Variants in MDN1 observed in about 807,000 individuals in gnomAD.
MDN1 encodes midasin.
MDN1 carries 266 observed loss-of-function variants against 669.2 expected under a neutral mutation model. The ratio of observed to expected loss-of-function variants is 0.40; its 90% confidence interval spans 0.36 to 0.44. The LOEUF is 0.44. Among genes scored for constraint, MDN1 ranks in the 20% least tolerant of loss-of-function variants. The pLI is 1.00. For synonymous variants in MDN1, 2,385 were observed against 2,457.1 expected, an observed-to-expected ratio of 0.97 and a Z score of 0.87; for missense variants, 5,940 against 6,754.0, an observed-to-expected ratio of 0.88 and a Z score of 4.22.
At chr6:89,734,359 C>A (rs1222053215) in intron 33 of MDN1, among the ~76,000 whole-genome samples, 25 of 151,604 alleles carry the variant, frequency 1.6e-4, no homozygotes, top group Admixed American at 1.6e-3. Flanking sequence ...AAATTTTAAA[C>A]CTCTGCTAAA....
rs769126196 is a variant in MDN1, at chr6:89,718,953, T to A, written c.6135A>T (p.Ser2045=). ...TCATGATTGACTCCAGGGGTTGGAA[T>A]GACTGGTGCAGGAGCAACAGGGGAT... ...SRHPLLLLHQ[S]FQPLESIMKC... is the part of the protein sequence containing the mutation. Residue 2045 remains serine (S), a synonymous_variant, in exon 42 of 102, where the codon TCA becomes TCT. Transcript: ENST00000369393. The A allele has an allele frequency of 9.9e-6, 16 of 1,614,002 alleles. No individual in the cohort carries two copies. The South Asian group carries it at 1.4e-4, about 14-fold the overall frequency.
At chr6:89,647,982 C>T (rs757200942) in intron 99 of MDN1, 50 bp downstream of exon 99, 38 of 1,382,338 alleles carry the variant, frequency 2.7e-5, no homozygotes, top group African/African-American at 2.7e-4. Flanking sequence ...CTCCAACCTA[C>T]ACCAGTTTAA....
At chr6:89,656,254 C>T (rs1157362852) in intron 91 of MDN1, among the ~76,000 whole-genome samples, 5 of 151,986 alleles carry the variant, frequency 3.3e-5, no homozygotes, top group Non-Finnish European at 7.4e-5. Context: ...TTGGTAACAC[C>T]AATTTGCTCT....
intron 56 of MDN1, 133 bp downstream of exon 56, chr6:89,700,513 C>G (rs754361629): frequency 1.3e-5 from 11 of 838,682 alleles, no homozygotes; most frequent in Non-Finnish European, 1.7e-5. Context: ...ATGCCTGACA[C>G]TTATATAAAG....
chr6:89,715,536 G>A (rs1024658231), intron 45 of MDN1, 117 bp downstream of exon 45: 3 of 711,896 alleles, frequency 4.2e-6, no homozygotes, highest in Non-Finnish European at 7.6e-6. Context: ...TAATAAATGG[G>A]TGAACTTCTC....
intron 92 of MDN1, 49 bp downstream of exon 92, chr6:89,655,714 TC>T: frequency 6.7e-7 from 1 of 1,502,418 alleles, no homozygotes; most frequent in Non-Finnish European, 9.0e-7. Context: ...TAGCACAAGC[TC>T]TCATAGAGAG....
chr6:89,813,549 CAA>C (rs531368427), intron 1 of MDN1, among the ~76,000 whole-genome samples: 11 of 68,268 alleles, frequency 1.6e-4, no homozygotes, highest in Admixed American at 3.4e-4. Flanking sequence ...GACTCTGTCT[CAA>C]AAAAAAAAAA....
intron 29 of MDN1, 93 bp from the exon 30 acceptor site, chr6:89,743,807 G>A: frequency 7.2e-7 from 1 of 1,383,494 alleles, no homozygotes. Context: ...ACCACTGTGG[G>A]AGTCTCACTG....
At chr6:89,794,884 T>G in intron 2 of MDN1, 83 bp from the exon 3 acceptor site, 1 of 1,075,578 alleles carries the variant, frequency 9.3e-7, no homozygotes, top group Non-Finnish European at 1.4e-6. Flanking sequence ...TTTATCAGAG[T>G]ATTAAATGCA....
rs1290006148 is a variant in MDN1, at chr6:89,700,127, A to G, written c.8806T>C (p.Tyr2936His). 6.2e-7 allele frequency: 1 copy of G among 1,614,170 alleles called. No homozygotes were observed. Among genetic ancestry groups the G allele is most frequent in the Non-Finnish European group, 8.5e-7 (1 of 1,180,012 alleles). ...TTGTACCGCCAAAGCATAGCCAGGT[A>G]CTCCATTGCAGGCCACAACTGAACA... ...RSVQLWPAME[Y>H]LAMLWRYKVT... Residue 2936 changes from tyrosine to histidine, a missense_variant, in exon 57 of 102, where the codon TAC (tyrosine) becomes CAC (histidine). Tyr to His is a moderately conservative substitution (Grantham distance 83). Around this residue, in one of 5 missense-constraint regions of MDN1, gnomAD observed 2,292 missense variants for 2,638.3 expected, o/e 0.87. Transcript: ENST00000369393.
intron 100 of MDN1, 53 bp from the exon 101 acceptor site, chr6:89,645,210 T>C: frequency 6.4e-7 from 1 of 1,552,966 alleles, no homozygotes; most frequent in Middle Eastern, 1.7e-4. Flanking sequence ...CCATTTTTAA[T>C]AACTCACAAC....
rs1433418519 is a variant in MDN1, at chr6:89,700,134, T to C, written c.8799A>G (p.Ala2933=). The change falls in exon 57 of 102, where the codon GCA becomes GCG. Residue 2933 remains alanine, a synonymous_variant. Transcript: ENST00000369393. ...HLTRSVQLWP[A]MEYLAMLWRY... ...GCCAAAGCATAGCCAGGTACTCCAT[T>C]GCAGGCCACAACTGAACACTCCTGG... The C allele has an allele frequency of 1.1e-5, 18 of 1,614,188 alleles. No individual in the cohort carries two copies. The highest frequency in any genetic ancestry group is 1.5e-5 in the Non-Finnish European group (18 of 1,180,028).
Position 89,656,710 on chromosome 6 carries a change from T to C in MDN1, c.15275A>G (p.Lys5092Arg). The change falls in exon 91 of 102, where the codon AAA (lysine) becomes AGA (arginine). Residue 5092 changes from lysine (K) to arginine (R), a missense_variant. Transcript: ENST00000369393. ...AQLASQKHTRKNTQSFKRKPG... is the reference protein window; with the variant it reads ...AQLASQKHTRRNTQSFKRKPG... ...AGGAGTGATAGAAACCTGTGTGTTT[T>C]TCCTGGTGTGCTTCTGGGAGGCCAA... 6.2e-7 allele frequency: 1 copy of C among 1,610,608 alleles called. No individual in the cohort carries two copies. The highest frequency in any genetic ancestry group is 8.5e-7 in the Non-Finnish European group (1 of 1,178,036).
At chr6:89,809,105 T>C (rs892482843) in intron 1 of MDN1, among the ~76,000 whole-genome samples, 5 of 148,404 alleles carry the variant, frequency 3.4e-5, no homozygotes, top group Admixed American at 1.4e-4. Flanking sequence ...TAATCCCAGC[T>C]ACCAGGGAGG....
Position 89,732,729 on chromosome 6 carries a change from G to T in MDN1, c.4770C>A (p.Thr1590=). 3 of 1,613,898 alleles carry T rather than the reference G, an allele frequency of 1.9e-6. No homozygotes were observed. The Middle Eastern group carries it at 5.0e-4, about 266-fold the overall frequency. Residue 1590 remains threonine, a synonymous_variant, in exon 34 of 102, where the codon ACC becomes ACA. Coordinates refer to ENST00000369393, the MANE Select transcript of MDN1 (RefSeq NM_014611.3). ...EVMLDFIDWL[T]HQEFGRKCVV... ...CACACTTTCTGCCAAACTCTTGGTG[G>T]GTCAGCCAGTCAATGAAATCCAGCA...
chr6:89,761,598 G>C (rs1272305434), intron 17 of MDN1, 47 bp downstream of exon 17: 3 of 1,340,060 alleles, frequency 2.2e-6, no homozygotes, highest in Non-Finnish European at 1.1e-6. Context: ...ACATTGTTTT[G>C]CATAAAATCA....
chr6:89,789,636 T>A, intron 7 of MDN1, 144 bp downstream of exon 7: 1 of 910,116 alleles, frequency 1.1e-6, no homozygotes, highest in Non-Finnish European at 1.6e-6. Context: ...TCAGATCAGG[T>A]AAGTAACCAT....
chr6:89,684,682 C>T (rs1034581278), intron 71 of MDN1, among the ~76,000 whole-genome samples, 194 bp downstream of exon 71: 3 of 152,152 alleles, frequency 2.0e-5, no homozygotes, highest in African/African-American at 4.8e-5. Context: ...CTCCACCAAT[C>T]GCTCACACAC....
intron 15 of MDN1, among the ~76,000 whole-genome samples, chr6:89,763,690 AAT>A (rs906275248): frequency 2.6e-5 from 4 of 152,166 alleles, no homozygotes; most frequent in African/African-American, 9.7e-5. Flanking sequence ...AAGGTACCAA[AAT>A]ATGTTTCACA....
Sources: gnomAD v4.1 joint callset for allele counts (sites outside exome capture counted in the v4.1 genomes callset) on GRCh38, gnomAD v4.1.1 for gene constraint, gnomAD v4.1.1 regional missense constraint, MANE v1.5 for transcripts, NCBI Gene and HGNC (gene_info 2026-07-23, HGNC 2026-07-21) for gene names.